The following LANCL1 variants were observed in gnomAD, a reference collection of about 807,000 sequenced individuals.
The protein encoded by LANCL1 is glutathione S-transferase LANCL1.
A neutral mutation model predicts 50.6 loss-of-function variants in LANCL1; 50 were observed. The observed-to-expected ratio is 0.99, with a 90% CI of 0.79 to 1.25. The LOEUF (loss-of-function observed/expected upper bound fraction) is 1.25. Ranked by LOEUF, LANCL1 falls within the 50% of genes most tolerant of loss-of-function variation. The pLI is 0.00. For missense variants in LANCL1, 532 were observed against 480.7 expected (o/e 1.11, Z -1.00); for synonymous variants, 188 against 178.6 (o/e 1.05, Z -0.42).
At chr2:210,470,443 T>C (rs1034458731) in intron 3 of LANCL1, among the ~76,000 whole-genome samples, 6 of 152,186 alleles carry the variant, frequency 3.9e-5, no homozygotes, top group African/African-American at 1.4e-4. Flanking sequence ...AATAGAATCA[T>C]GTGTCATTAT....
intron 4 of LANCL1, among the ~76,000 whole-genome samples, chr2:210,452,882 G>T (rs1210005469): frequency 6.6e-6 from 1 of 152,078 alleles, no homozygotes; most frequent in Non-Finnish European, 1.5e-5. Context: ...GTGAGCGTGG[G>T]ATCTCAAAAG....
chr2:210,441,191 CA>C (rs1049071020), intron 5 of LANCL1, 116 bp downstream of exon 5: 3 of 1,031,544 alleles, frequency 2.9e-6, no homozygotes, highest in Non-Finnish European at 4.3e-6. Flanking sequence ...TTTAGAGGTC[CA>C]GATACACCTT....
chr2:210,438,275 C>T (rs1693008851), intron 6 of LANCL1, among the ~76,000 whole-genome samples: 1 of 151,792 alleles, frequency 6.6e-6, no homozygotes, highest in Non-Finnish European at 1.5e-5. Flanking sequence ...CTTGGGATTA[C>T]AGATGCCTGT....
chr2:210,455,026 C>CT, intron 4 of LANCL1, 81 bp downstream of exon 4: 1 of 1,177,048 alleles, frequency 8.5e-7, no homozygotes, highest in Non-Finnish European at 1.2e-6. Flanking sequence ...AGTAAACTCA[C>CT]TAGAATGTTC....
intron 3 of LANCL1, among the ~76,000 whole-genome samples, chr2:210,462,007 C>A (rs1452914831): frequency 6.6e-6 from 1 of 152,168 alleles, no homozygotes; most frequent in African/African-American, 2.4e-5. Context: ...CAATTCCTTA[C>A]CAGTGTTTTG....
chr2:210,446,893 C>T (rs895586357), intron 4 of LANCL1, among the ~76,000 whole-genome samples: 6 of 152,132 alleles, frequency 3.9e-5, no homozygotes, highest in African/African-American at 1.2e-4. Flanking sequence ...CTGAAAGCGA[C>T]GGGGAGAATG....
In LANCL1 at chr2:210,455,150, G is replaced by T. The variant is rs761100010; in HGVS notation, c.364C>A (p.His122Asn). Residue 122 changes from histidine (H) to asparagine (N), a missense_variant, in exon 4 of 10, where the codon CAC (histidine) becomes AAC (asparagine). By Grantham distance (68) the His-to-Asn change is moderately conservative. Transcript: ENST00000450366. ...GPLAVAAVLY[H>N]KMNNEKQAED... ...GCCTGCTTCTCATTGTTCATCTTGT[G>T]ATATAGCACAGCGGCCACTGCCAGG... is the stretch of plus-strand genomic sequence containing the variant. The T allele has an allele frequency of 1.1e-5, 18 of 1,613,572 alleles. No homozygotes were observed. The African/African-American group carries it at 2.4e-4, about 22-fold the overall frequency.
At chr2:210,469,069 AAAGAAATATAATGTGTGTTTCCT>A (rs1269033990) in intron 3 of LANCL1, 1 of 152,224 alleles carries the variant, frequency 6.6e-6, no homozygotes, top group Non-Finnish European at 1.5e-5. Context: ...GAACAAAGTT[AAAGAAATATAATGTGTGTTTCCT>A]AAAGAGTGTC....
chr2:210,461,107 G>GT (rs1205550124), intron 3 of LANCL1, among the ~76,000 whole-genome samples: 2 of 152,048 alleles, frequency 1.3e-5, no homozygotes, highest in African/African-American at 4.8e-5. Flanking sequence ...AAGTCAGATT[G>GT]TTTAGATATG....
At chr2:210,435,259 T>C (rs1692887294) in intron 9 of LANCL1, 128 bp downstream of exon 9, 2 of 675,272 alleles carry the variant, frequency 3.0e-6, no homozygotes, top group Non-Finnish European at 5.2e-6. Context: ...CGATTTAGCA[T>C]ATTAGGAAAT....
chr2:210,436,163 T>C lies in LANCL1; in HGVS notation c.1050+53A>G, dbSNP rs953627629. 46 of 1,532,170 alleles carry C rather than the reference T, an allele frequency of 3.0e-5. 1 individual carries two copies. Among genetic ancestry groups the C allele is most frequent in the Non-Finnish European group, 3.8e-5 (42 of 1,113,294 alleles). 94.9% of individuals were successfully genotyped at this position (1,532,170 alleles called of 1,614,324 possible). On this transcript the variant is annotated intron_variant, in intron 8 of 9. Transcript: ENST00000450366. ...GCCTCAGCCTCCCAAAGTGCTGAGA[T>C]TTACAGGTGTGAGCCACCGAGCTGC...
intron 4 of LANCL1, among the ~76,000 whole-genome samples, chr2:210,453,919 G>A (rs191358268): frequency 5.9e-5 from 9 of 152,208 alleles, no homozygotes. Flanking sequence ...AAGCTTCTCA[G>A]CTCTGGAGTG....
At chr2:210,437,516 T>G (rs963112179) in intron 7 of LANCL1, among the ~76,000 whole-genome samples, 174 bp downstream of exon 7, 4 of 152,174 alleles carry the variant, frequency 2.6e-5, no homozygotes, top group African/African-American at 7.2e-5. Flanking sequence ...TATGAAACAA[T>G]GGCTGCTATG....
chr2:210,455,406 T>C (rs947940000), intron 3 of LANCL1, 92 bp from the exon 4 acceptor site: 7 of 1,002,024 alleles, frequency 7.0e-6, no homozygotes, highest in Middle Eastern at 3.2e-4. Context: ...CGATTTTTGA[T>C]AACCTGTAGC....
At chr2:210,477,296 G>C (rs1478927359), upstream of LANCL1, among the ~76,000 whole-genome samples, 1 of 152,128 alleles carries the variant, frequency 6.6e-6, no homozygotes, top group Non-Finnish European at 1.5e-5. Context: ...AATTTATTCT[G>C]TTCCTTAGCC....
intron 3 of LANCL1, chr2:210,460,768 A>C (rs1693830019): frequency 6.6e-6 from 1 of 152,114 alleles, no homozygotes; most frequent in African/African-American, 2.4e-5. Flanking sequence ...GCTTTCAAAT[A>C]CTCCAGTGCT....
At chr2:210,435,893 CTTTTT>C (rs71043994) in intron 8 of LANCL1, among the ~76,000 whole-genome samples, 4 of 64,228 alleles carry the variant, frequency 6.2e-5, no homozygotes, top group African/African-American at 6.8e-5. Flanking sequence ...GGGAGACCTG[CTTTTT>C]TTTTTTTTTT....
chr2:210,461,301 T>A (rs1693851401), intron 3 of LANCL1, among the ~76,000 whole-genome samples: 1 of 151,960 alleles, frequency 6.6e-6, no homozygotes, highest in Non-Finnish European at 1.5e-5. Context: ...TCCTAACACC[T>A]CTGGCTGGGT....
chr2:210,438,255 C>T (rs1693008089), intron 6 of LANCL1, among the ~76,000 whole-genome samples: 1 of 151,698 alleles, frequency 6.6e-6, no homozygotes, highest in Non-Finnish European at 1.5e-5. Flanking sequence ...CTGTCTCAGC[C>T]TCCCAAGTAC....
Sources: gnomAD v4.1 joint callset for allele counts (sites outside exome capture counted in the v4.1 genomes callset) on GRCh38, gnomAD v4.1.1 for gene constraint, MANE v1.5 for transcripts, NCBI Gene and HGNC (gene_info 2026-07-23, HGNC 2026-07-21) for gene names.